Variants in ME1 observed in about 807,000 individuals in gnomAD.
ME1 encodes malic enzyme 1.
In ME1, 74 loss-of-function variants were observed where a neutral mutation model predicts 66.4. That is an observed-to-expected ratio of 1.11 (90% CI 0.92 to 1.35). The LOEUF (loss-of-function observed/expected upper bound fraction) is 1.35. ME1 is among the 40% of genes most tolerant of loss of function. The pLI, the probability that ME1 is intolerant of heterozygous loss-of-function variation, is 0.00. For synonymous variants in ME1, 251 were observed against 235.6 expected (o/e 1.07, Z -0.60); for missense variants, 750 against 694.1 (o/e 1.08, Z -0.90).
At chr6:83,356,910 A>G (rs1768900272) in intron 3 of ME1, among the ~76,000 whole-genome samples, 1 of 152,176 alleles carries the variant, frequency 6.6e-6, no homozygotes, top group Non-Finnish European at 1.5e-5. Context: ...CATCATTCAC[A>G]TTTCACCAGT....
At chr6:83,247,453 T>C (rs1401364399) in intron 7 of ME1, among the ~76,000 whole-genome samples, 1 of 152,022 alleles carries the variant, frequency 6.6e-6, no homozygotes, top group African/African-American at 2.4e-5. Flanking sequence ...TTTAGATAAC[T>C]AACAGTAGAA....
At chr6:83,333,629 A>T (rs2128542434) in intron 5 of ME1, among the ~76,000 whole-genome samples, 1 of 152,302 alleles carries the variant, frequency 6.6e-6, no homozygotes, top group East Asian at 1.9e-4. Context: ...GCTCAAATGG[A>T]GAAAGTAATA....
intron 3 of ME1, among the ~76,000 whole-genome samples, chr6:83,387,597 T>C (rs930794255): frequency 1.3e-5 from 2 of 152,122 alleles, no homozygotes; most frequent in Admixed American, 1.3e-4. Context: ...TGAAATTACA[T>C]ATTAAGTAAT....
At chr6:83,359,955 A>G (rs1055075207) in intron 3 of ME1, among the ~76,000 whole-genome samples, 3 of 152,224 alleles carry the variant, frequency 2.0e-5, no homozygotes, top group African/African-American at 7.2e-5. Flanking sequence ...CTACCGTAAT[A>G]GAGAGCAGAG....
intron 10 of ME1, among the ~76,000 whole-genome samples, chr6:83,228,027 C>T (rs189063899): frequency 6.6e-6 from 1 of 152,304 alleles, no homozygotes; most frequent in Admixed American, 6.5e-5. Flanking sequence ...AAGTTCCTGT[C>T]ATGGAGTAAG....
At chr6:83,403,291 T>C (rs191621902) in intron 2 of ME1, among the ~76,000 whole-genome samples, 164 of 152,260 alleles carry the variant, frequency 1.1e-3, no homozygotes, top group African/African-American at 3.9e-3. Flanking sequence ...CAGTTTGCTA[T>C]GACAAAAATA....
At chr6:83,268,406 AC>A (rs1319946881) in intron 6 of ME1, among the ~76,000 whole-genome samples, 1 of 152,192 alleles carries the variant, frequency 6.6e-6, no homozygotes, top group African/African-American at 2.4e-5. Flanking sequence ...TATTAAGTAT[AC>A]AATTAGGGTA....
intron 13 of ME1, among the ~76,000 whole-genome samples, chr6:83,213,927 T>C (rs1227426943): frequency 2.6e-5 from 4 of 152,180 alleles, no homozygotes; most frequent in South Asian, 2.1e-4. Context: ...ATAATACTTA[T>C]ATTAGAAAAA....
rs1162192543 is a variant in ME1 at position 83,216,578 on chromosome 6, A to T, written c.1468T>A (p.Ser490Thr). ...TTAEVIAQQVSDKHLEEGRLY... is the reference protein window; with the variant it reads ...TTAEVIAQQVTDKHLEEGRLY... Reference sequence around the variant, plus strand: ...CGACCCTCTTCCAAGTGTTTATCTGACACTTGCTGAGCTATAACCTTATGA... The same window carrying T: ...CGACCCTCTTCCAAGTGTTTATCTGTCACTTGCTGAGCTATAACCTTATGA... The change falls in exon 13 of 14, where the codon TCA (serine) becomes ACA (threonine). Residue 490 changes from serine to threonine, a missense_variant. Transcript: ENST00000369705. 9 of 1,609,206 alleles carry T rather than the reference A, an allele frequency of 5.6e-6. No homozygotes were observed. The highest frequency in any genetic ancestry group is 7.6e-6 in the Non-Finnish European group (9 of 1,178,500).
chr6:83,216,658 G>A lies in ME1; in HGVS notation c.1450-62C>T, dbSNP rs1237002289. 1.7e-5 allele frequency: 18 copies of A among 1,078,878 alleles called. 1 individual carries two copies. Among genetic ancestry groups the A allele is most frequent in the South Asian group, 8.2e-5 (6 of 72,826 alleles). 66.8% of individuals were successfully genotyped at this position (1,078,878 alleles called of 1,614,324 possible). ...TCACACGATACAATGTGGTGGGTAC[G>A]CCAATAACTAAGTGAACGGTTACAT... On this transcript the variant is annotated intron_variant, in intron 12 of 13. Coordinates refer to ENST00000369705, the MANE Select transcript of ME1 (RefSeq NM_002395.6).
rs113524520 is a variant in ME1, at chr6:83,216,639, G to A, written c.1450-43C>T. On this transcript the variant is annotated intron_variant, in intron 12 of 13. Transcript: ENST00000369705. ...GAAAAAAAGTGTTTATACTTCACAC[G>A]ATACAATGTGGTGGGTACGCCAATA... The A allele has an allele frequency of 4.0e-4, 533 of 1,332,478 alleles. 7 individuals are homozygous for A. The African/African-American group carries it at 6.5e-3, about 16-fold the overall frequency. 82.5% of individuals were successfully genotyped at this position (1,332,478 alleles called of 1,614,324 possible). A position where few individuals can be genotyped will look rare whatever the true frequency, so the allele number is the denominator to read the frequency against.
At position 83,346,334 on chromosome 6, in the gene ME1, C is replaced by A; in HGVS notation, c.439G>T (p.Ala147Ser). The A allele has an allele frequency of 6.4e-7, 1 of 1,566,864 alleles. No individual in the cohort carries two copies. The highest frequency in any genetic ancestry group is 8.6e-7 in the Non-Finnish European group (1 of 1,157,580). Reference sequence around the variant, plus strand: ...CGCTCTCCATCAGTCACCACAATGGCCTGGAAGAAAAAGAAAAATTACCTA... The same window carrying A: ...CGCTCTCCATCAGTCACCACAATGGACTGGAAGAAAAAGAAAAATTACCTA... ...LNAWPEDVIK[A>S]IVVTDGERIL... Residue 147 changes from alanine to serine, a missense_variant and splice_region_variant, in exon 5 of 14, where the codon GCC becomes TCC. Ala to Ser is a moderately conservative substitution (Grantham distance 99). Coordinates refer to ENST00000369705, the MANE Select transcript of ME1 (RefSeq NM_002395.6).
intron 1 of ME1, among the ~76,000 whole-genome samples, chr6:83,425,028 T>C (rs1770342532): frequency 6.6e-6 from 1 of 152,236 alleles, no homozygotes; most frequent in African/African-American, 2.4e-5. Flanking sequence ...GTTTTGTTTT[T>C]CTGAGACAAG....
chr6:83,364,737 C>CATCTATCTATCT (rs67402469), intron 3 of ME1, among the ~76,000 whole-genome samples: 14 of 152,030 alleles, frequency 9.2e-5, no homozygotes, highest in African/African-American at 3.4e-4. Flanking sequence ...ATCTATCTGT[C>CATCTATCTATCT]ATCTATCTAT....
chr6:83,393,570 C>T (rs990787940), intron 3 of ME1, among the ~76,000 whole-genome samples: 82 of 149,524 alleles, frequency 5.5e-4, no homozygotes, highest in Non-Finnish European at 9.9e-4. Flanking sequence ...GGGAGCCCCA[C>T]CTTTTCATGT....
intron 3 of ME1, among the ~76,000 whole-genome samples, chr6:83,368,011 T>C (rs888210638): frequency 1.3e-5 from 2 of 152,090 alleles, no homozygotes; most frequent in African/African-American, 4.8e-5. Context: ...TTAAAGGCCA[T>C]TGCAGGGTTA....
At chr6:83,353,643 A>T (rs1337718715) in intron 3 of ME1, among the ~76,000 whole-genome samples, 1 of 151,940 alleles carries the variant, frequency 6.6e-6, no homozygotes. Context: ...ATGTGTTTCA[A>T]TCCATTATAG....
rs374747917 is a variant in ME1 at position 83,413,573 on chromosome 6, C to A, written c.79-5672G>T. Among the ~76,000 whole-genome samples, 100 of 151,426 alleles carry A rather than the reference C, an allele frequency of 6.6e-4. 2 individuals are homozygous for A. The East Asian group carries it at 0.015, about 22-fold the overall frequency. On this transcript the variant is annotated intron_variant, in intron 1 of 13. Coordinates refer to ENST00000369705, the MANE Select transcript of ME1 (RefSeq NM_002395.6). Reference sequence around the variant, plus strand: ...ATATATAAAGAGTACAGAAAGAGGACCCTTTATATTTTTATTATTTATTAT... The same window carrying A: ...ATATATAAAGAGTACAGAAAGAGGAACCTTTATATTTTTATTATTTATTAT...
At chr6:83,301,896 CAT>C (rs1482448539) in intron 6 of ME1, among the ~76,000 whole-genome samples, 1 of 152,144 alleles carries the variant, frequency 6.6e-6, no homozygotes, top group African/African-American at 2.4e-5. Context: ...GCAGATTCCT[CAT>C]AGAGCTAAAA....
Sources: gnomAD v4.1 joint callset for allele counts (sites outside exome capture counted in the v4.1 genomes callset) on GRCh38, gnomAD v4.1.1 for gene constraint, MANE v1.5 for transcripts, NCBI Gene and HGNC (gene_info 2026-07-23, HGNC 2026-07-21) for gene names.